Variants in WDR37 observed in about 807,000 individuals in gnomAD.
WDR37 encodes WD repeat-containing protein 37.
Under a neutral mutation model 62.9 loss-of-function variants are expected in WDR37, and 19 were observed. The observed-to-expected ratio is 0.30, with a 90% CI of 0.21 to 0.44. The LOEUF (loss-of-function observed/expected upper bound fraction) is 0.44, where lower values mean the gene tolerates loss of function less well. Among genes scored for constraint, WDR37 ranks in the 20% least tolerant of loss-of-function variants. The pLI is 1.00. For synonymous variants in WDR37, 250 were observed against 260.9 expected (o/e 0.96, Z 0.40); for missense variants, 474 against 657.6 (o/e 0.72, Z 3.05).
Position 1,105,259 on chromosome 10 carries a change from A to G in WDR37, c.1095A>G (p.Gly365=). 1 of 1,613,960 alleles carries G rather than the reference A, an allele frequency of 6.2e-7. No homozygotes were observed. The highest frequency in any genetic ancestry group is 8.5e-7 in the Non-Finnish European group (1 of 1,179,950). ...TCCACTCGGTGAATGTTTTCCAGGGACACACGGAGTGAGTTGCGGTAGTTT... is the reference window on the plus strand; with the variant it reads ...TCCACTCGGTGAATGTTTTCCAGGGGCACACGGAGTGAGTTGCGGTAGTTT... ...PSIHSVNVFQ[G]HTDTVTSAVF... The change falls in exon 11 of 14, where the codon GGA becomes GGG. Residue 365 remains glycine (G), a synonymous_variant. Transcript: ENST00000263150. The surrounding 1 kb of genome is among the most constrained non-coding windows in gnomAD (Gnocchi z 5.3).
chr10:1,061,487 G>T (rs932929545), intron 1 of WDR37, among the ~76,000 whole-genome samples: 1 of 152,114 alleles, frequency 6.6e-6, no homozygotes, highest in Non-Finnish European at 1.5e-5. Context: ...CAGACAGGTT[G>T]TAGTCAAAAT....
At chr10:1,062,808 C>A (rs978628946) in intron 1 of WDR37, among the ~76,000 whole-genome samples, 14 of 152,296 alleles carry the variant, frequency 9.2e-5, no homozygotes, top group African/African-American at 3.4e-4. Flanking sequence ...TAAGAGTGGG[C>A]CGGGTGCAGT....
intron 9 of WDR37, chr10:1,096,630 G>A (rs1460247007): frequency 2.3e-5 from 5 of 214,474 alleles, no homozygotes; most frequent in South Asian, 9.3e-5. Flanking sequence ...TTTTTTATGC[G>A]TCGCCCGGTC....
At chr10:1,074,465 G>A in intron 2 of WDR37, 1 of 1,304,460 alleles carries the variant, frequency 7.7e-7, no homozygotes, top group South Asian at 1.2e-5. Context: ...GAGCTCATTT[G>A]TTCAATGAGC....
intron 9 of WDR37, among the ~76,000 whole-genome samples, chr10:1,100,069 G>C (rs10794719): frequency 0.99 from 151,094 of 152,398 alleles, 74,909 homozygotes; most frequent in Middle Eastern, 1. Flanking sequence ...CTAATTTTGT[G>C]AGAGGGAAGA....
In WDR37 at chr10:1,069,370, AAT is replaced by A. The variant is rs1351085134; in HGVS notation, c.-40-2727_-40-2726del. Among the ~76,000 whole-genome samples the A allele has an allele frequency of 6.1e-4, 50 of 81,400 alleles. 1 individual carries two copies. Among genetic ancestry groups the A allele is most frequent in the South Asian group, 9.6e-4 (2 of 2,076 alleles). The allele number at this position is 81,400 out of a possible 152,430, so 53.4% of individuals were successfully genotyped here. On this transcript the variant is annotated intron_variant, in intron 1 of 13. Coordinates refer to ENST00000263150, the MANE Select transcript of WDR37 (RefSeq NM_014023.4). ...TAGTAATAGTAAAAAAATTGGAAAG[AAT>A]ATATATATATATATATATTTTTTTT...
chr10:1,064,393 T>C (rs1312892881), intron 1 of WDR37, among the ~76,000 whole-genome samples: 1 of 152,002 alleles, frequency 6.6e-6, no homozygotes, highest in Non-Finnish European at 1.5e-5. Context: ...TCTGAAGAAA[T>C]CACTGCTGTA....
chr10:1,114,909 C>T (rs1194638263), intron 11 of WDR37, among the ~76,000 whole-genome samples: 3 of 152,362 alleles, frequency 2.0e-5, no homozygotes, highest in African/African-American at 7.2e-5. Flanking sequence ...AATAGACGTG[C>T]CTGCAAGAGG....
chr10:1,075,999 C>T (rs76732489), intron 2 of WDR37, among the ~76,000 whole-genome samples: 2,098 of 152,208 alleles, frequency 0.014, 47 homozygotes, highest in East Asian at 0.091. Flanking sequence ...AGGCTGGTCT[C>T]GAACTCCTGA....
In WDR37 at chr10:1,060,310, C is replaced by G. The variant is rs546101594; in HGVS notation, c.-41+3342C>G. On this transcript the variant is annotated intron_variant, in intron 1 of 13. Transcript: ENST00000263150. ...TGCTTACAAGCAGTGGGGTGTATTACGTACACGGCAACATATACTAAGGGC... is the reference window on the plus strand; with the variant it reads ...TGCTTACAAGCAGTGGGGTGTATTAGGTACACGGCAACATATACTAAGGGC... Among the ~76,000 whole-genome samples, 3 of 152,262 alleles carry G rather than the reference C, an allele frequency of 2.0e-5. No individual in the cohort carries two copies. In the East Asian group the frequency reaches 5.8e-4, roughly 29 times the overall value.
rs1017679703 is a variant in WDR37 at position 1,130,249 on chromosome 10, A to G, written c.*905A>G. On this transcript the variant is annotated 3_prime_UTR_variant, in exon 14 of 14. Coordinates refer to ENST00000263150, the MANE Select transcript of WDR37 (RefSeq NM_014023.4). Reference sequence around the variant, plus strand: ...CCGTGGTGGTGTTTGAGAGCCAACAACACTACCTCAGAGACGGGTCTTTGG... The same window carrying G: ...CCGTGGTGGTGTTTGAGAGCCAACAGCACTACCTCAGAGACGGGTCTTTGG... 25 of 152,676 alleles carry G rather than the reference A, an allele frequency of 1.6e-4. No individual in the cohort carries two copies. Among genetic ancestry groups the G allele is most frequent in the African/African-American group, 5.8e-4 (24 of 41,456 alleles). 9.5% of individuals were successfully genotyped at this position (152,676 alleles called of 1,614,324 possible).
At chr10:1,087,494 A>G (rs2131634664) in intron 7 of WDR37, among the ~76,000 whole-genome samples, 1 of 152,368 alleles carries the variant, frequency 6.6e-6, no homozygotes, top group South Asian at 2.1e-4. Context: ...TCCCTGGGCT[A>G]CAGAATGGAT....
chr10:1,087,927 A>T (rs963455844), intron 7 of WDR37, among the ~76,000 whole-genome samples: 4 of 152,250 alleles, frequency 2.6e-5, no homozygotes, highest in African/African-American at 9.6e-5. Flanking sequence ...TGTTGTTTAG[A>T]GTAACCATCT....
chr10:1,088,965 G>A (rs1564502982), intron 7 of WDR37, among the ~76,000 whole-genome samples: 1 of 152,170 alleles, frequency 6.6e-6, no homozygotes, highest in African/African-American at 2.4e-5. Flanking sequence ...TTTTCCCTTG[G>A]CCAGCAGATA....
At chr10:1,117,557 C>CA (rs1189596838) in intron 11 of WDR37, among the ~76,000 whole-genome samples, 2 of 152,192 alleles carry the variant, frequency 1.3e-5, no homozygotes, top group Non-Finnish European at 2.9e-5. Flanking sequence ...CAGATTCTGT[C>CA]ACTTTTCTTT....
At chr10:1,101,178 C>T (rs1040225495) in intron 9 of WDR37, among the ~76,000 whole-genome samples, 2 of 152,216 alleles carry the variant, frequency 1.3e-5, no homozygotes, top group East Asian at 3.8e-4. Context: ...CCGTCTCCCC[C>T]GTTGTTTTCT....
intron 11 of WDR37, among the ~76,000 whole-genome samples, chr10:1,122,493 G>A (rs1454255829): frequency 4.6e-5 from 7 of 152,198 alleles, no homozygotes; most frequent in Non-Finnish European, 8.8e-5. Flanking sequence ...TCCTGGGTGG[G>A]CCACTCATGC....
chr10:1,066,782 G>GAGGTTTATTGGAC (rs1360815309), intron 1 of WDR37, among the ~76,000 whole-genome samples: 1 of 152,318 alleles, frequency 6.6e-6, no homozygotes, highest in African/African-American at 2.4e-5. Context: ...ACAAAGGAAA[G>GAGGTTTATTGGAC]AGGTTTATTG....
Position 1,056,810 on chromosome 10 carries a change from T to C in WDR37, c.-199T>C, listed in dbSNP as rs1427562899. On this transcript the variant is annotated 5_prime_UTR_variant, in exon 1 of 14. Transcript: ENST00000263150. ...GCGGGACTTCCGGCGACACCGGAAG[T>C]GCATTAGCGCCAGGTTGGGGTTGTG... is the stretch of plus-strand genomic sequence containing the variant. 1 of 152,090 alleles carries C rather than the reference T, an allele frequency of 6.6e-6. No individual in the cohort carries two copies. Among genetic ancestry groups the C allele is most frequent in the Non-Finnish European group, 1.5e-5 (1 of 68,084 alleles). 9.4% of individuals were successfully genotyped at this position (152,090 alleles called of 1,614,324 possible).
Sources: allele counts gnomAD v4.1 joint callset (sites outside exome capture counted in the v4.1 genomes callset), GRCh38; gene constraint gnomAD v4.1.1; non-coding constraint Gnocchi (gnomAD v3.1); transcripts MANE v1.5; gene names NCBI Gene and HGNC (gene_info 2026-07-23, HGNC 2026-07-21).